TTC7A: variants seen among roughly 807,000 people sequenced by gnomAD.
TTC7A encodes tetratricopeptide repeat protein 7A.
In TTC7A, 110 loss-of-function variants were observed where a neutral mutation model predicts 103.7. That is an observed-to-expected ratio of 1.06 (90% CI 0.91 to 1.24). The LOEUF is 1.24. Among genes scored for constraint, TTC7A ranks in the 50% most tolerant of loss-of-function variants. TTC7A has a pLI of 0.00. For synonymous variants in TTC7A, 521 were observed against 467.9 expected (o/e 1.11, Z -1.47); for missense variants, 1,340 against 1,116.3 (o/e 1.20, Z -2.86).
intron 8 of TTC7A, among the ~76,000 whole-genome samples, chr2:46,996,890 C>T (rs1379148140): frequency 6.6e-6 from 1 of 152,192 alleles, no homozygotes; most frequent in African/African-American, 2.4e-5. Flanking sequence ...CCCTCTCCGC[C>T]ATTTCACCAC....
At chr2:46,991,679 C>T (rs1675649100) in intron 5 of TTC7A, among the ~76,000 whole-genome samples, 1 of 152,038 alleles carries the variant, frequency 6.6e-6, no homozygotes, top group South Asian at 2.1e-4. Flanking sequence ...ATTATTAGGA[C>T]TAATAGTGGT....
rs926845575 is a variant in TTC7A, at chr2:46,941,427, G to C, written c.-115G>C. The C allele has an allele frequency of 6.1e-6, 7 of 1,140,532 alleles. No homozygotes were observed. Among genetic ancestry groups the C allele is most frequent in the Admixed American group, 4.2e-5 (1 of 23,594 alleles). 70.7% of individuals were successfully genotyped at this position (1,140,532 alleles called of 1,614,324 possible). A position where few individuals can be genotyped will look rare whatever the true frequency, so the allele number is the denominator to read the frequency against. On this transcript the variant is annotated 5_prime_UTR_variant, in exon 1 of 20. Transcript: ENST00000319190. The surrounding 1 kb of genome is among the most constrained non-coding windows in gnomAD (Gnocchi z 4.2). ...GGGCCCCCGCTGCCGCCCGGGCCCC[G>C]GCTGCCGTCTGCGCCCCCGTCGACC...
chr2:46,951,757 C>T (rs1671436769), intron 2 of TTC7A: 1 of 431,838 alleles, frequency 2.3e-6, no homozygotes, highest in African/African-American at 2.0e-5. Context: ...TTCCTTAAAC[C>T]TTTTATTCCA....
chr2:47,066,941 A>C (rs1476734006), intron 19 of TTC7A, among the ~76,000 whole-genome samples: 1 of 152,226 alleles, frequency 6.6e-6, no homozygotes, highest in Non-Finnish European at 1.5e-5. Context: ...GAGAAGTCAA[A>C]GATCGAGGGG....
At chr2:46,946,040 A>G (rs1474671787) in intron 1 of TTC7A, among the ~76,000 whole-genome samples, 1 of 152,168 alleles carries the variant, frequency 6.6e-6, no homozygotes, top group Non-Finnish European at 1.5e-5. Context: ...GGGGTCTTGA[A>G]GGGTATTCCT....
At chr2:47,065,143 C>T (rs1412291332) in intron 19 of TTC7A, among the ~76,000 whole-genome samples, 4 of 152,068 alleles carry the variant, frequency 2.6e-5, no homozygotes, top group East Asian at 1.9e-4. Context: ...AAAAATTAGC[C>T]GGGCGTGGTG....
At chr2:47,040,897 G>A (rs1217660383) in intron 15 of TTC7A, among the ~76,000 whole-genome samples, 1 of 152,236 alleles carries the variant, frequency 6.6e-6, no homozygotes, top group Non-Finnish European at 1.5e-5. Context: ...TTCACTTTGA[G>A]TAACGACACA....
intron 18 of TTC7A, among the ~76,000 whole-genome samples, chr2:47,058,828 G>A (rs1033523694): frequency 2.0e-5 from 3 of 152,044 alleles, no homozygotes; most frequent in Non-Finnish European, 4.4e-5. Context: ...GGCTGGCCTG[G>A]GTTGGAGAAA....
chr2:46,948,327 A>C (rs1331092641), intron 1 of TTC7A, among the ~76,000 whole-genome samples: 4 of 152,200 alleles, frequency 2.6e-5, no homozygotes, highest in Admixed American at 2.6e-4. Flanking sequence ...TGTGGCTCTG[A>C]CTGACTGGAT....
intron 2 of TTC7A, among the ~76,000 whole-genome samples, chr2:46,931,661 G>T (rs1237756781): frequency 6.6e-6 from 1 of 151,044 alleles, no homozygotes; most frequent in African/African-American, 2.5e-5. Flanking sequence ...AGGCCAGCTG[G>T]TTCTTTGGGG....
chr2:46,990,934 A>G (rs1359317497), intron 5 of TTC7A, among the ~76,000 whole-genome samples: 2 of 151,902 alleles, frequency 1.3e-5, no homozygotes, highest in African/African-American at 4.8e-5. Context: ...TTGTTTTGAG[A>G]TAGGGTCTTG....
At chr2:46,961,801 G>C (rs1208285202) in intron 3 of TTC7A, among the ~76,000 whole-genome samples, 1 of 151,860 alleles carries the variant, frequency 6.6e-6, no homozygotes, top group Non-Finnish European at 1.5e-5. Flanking sequence ...TGTAATCCCA[G>C]CTACTTGGGA....
chr2:47,024,954 C>T (rs544421952), intron 14 of TTC7A, among the ~76,000 whole-genome samples: 1 of 152,206 alleles, frequency 6.6e-6, no homozygotes, highest in African/African-American at 2.4e-5. Flanking sequence ...TCAGAGCCTC[C>T]TTTACTTTCC....
At chr2:46,959,103 A>C (rs1672159196) in intron 3 of TTC7A, among the ~76,000 whole-genome samples, 1 of 152,232 alleles carries the variant, frequency 6.6e-6, no homozygotes, top group Non-Finnish European at 1.5e-5. Flanking sequence ...GAACCCAGGC[A>C]GCTGGAGCTT....
intron 8 of TTC7A, 121 bp from the exon 9 acceptor site, chr2:47,005,801 C>T: frequency 9.2e-7 from 1 of 1,088,064 alleles, no homozygotes; most frequent in Non-Finnish European, 1.3e-6. Flanking sequence ...GGCCATCTTT[C>T]TGGCTTGGGG....
At chr2:47,008,638 C>A (rs561302471) in intron 10 of TTC7A, among the ~76,000 whole-genome samples, 1 of 152,224 alleles carries the variant, frequency 6.6e-6, no homozygotes, top group African/African-American at 2.4e-5. Flanking sequence ...TCTCCACCCC[C>A]CTTGGGAACC....
chr2:46,943,212 A>T (rs1206187717), intron 1 of TTC7A, among the ~76,000 whole-genome samples: 1 of 152,048 alleles, frequency 6.6e-6, no homozygotes, highest in South Asian at 2.1e-4. Flanking sequence ...CGCTTTCTCT[A>T]TTTTTTAAAT....
chr2:47,057,351 C>G (rs569721035), intron 18 of TTC7A, among the ~76,000 whole-genome samples: 3 of 152,344 alleles, frequency 2.0e-5, no homozygotes, highest in South Asian at 2.1e-4. Flanking sequence ...TGGAGCAGCC[C>G]TAACGGTTCT....
rs368370383 is a variant in TTC7A, at chr2:47,018,993, G to A, written c.1393-2869G>A. 5.9e-4 allele frequency among the ~76,000 whole-genome samples: 90 copies of A among 152,262 alleles called. 1 individual carries two copies. Among genetic ancestry groups the A allele is most frequent in the African/African-American group, 2.0e-3 (84 of 41,554 alleles). On this transcript the variant is annotated intron_variant, in intron 11 of 19. Transcript: ENST00000319190. Reference sequence around the variant, plus strand: ...TACTCATGGATGTGGGGCTGATTCCGGAGTTGGGTGGGATTATAGTAACTC... The same window carrying A: ...TACTCATGGATGTGGGGCTGATTCCAGAGTTGGGTGGGATTATAGTAACTC...
Sources: allele counts gnomAD v4.1 joint callset (sites outside exome capture counted in the v4.1 genomes callset), GRCh38; gene constraint gnomAD v4.1.1; non-coding constraint Gnocchi (gnomAD v3.1); transcripts MANE v1.5; gene names NCBI Gene and HGNC (gene_info 2026-07-23, HGNC 2026-07-21).